Variants in SEZ6L2 observed in about 807,000 individuals in gnomAD.
SEZ6L2 encodes the protein seizure 6-like protein 2.
Under a neutral mutation model 97.0 loss-of-function variants are expected in SEZ6L2, and 44 were observed. The observed-to-expected ratio is 0.45, with a 90% confidence interval of 0.36 to 0.58. The LOEUF (loss-of-function observed/expected upper bound fraction) is 0.58, where lower values mean the gene tolerates loss of function less well. Among genes scored for constraint, SEZ6L2 ranks in the 20% least tolerant of loss-of-function variants. The pLI is 0.00. For missense variants in SEZ6L2, 1,086 were observed against 1,233.3 expected (o/e 0.88, Z 1.79); for synonymous variants, 543 against 546.1 (o/e 0.99, Z 0.08).
intron 5 of SEZ6L2, among the ~76,000 whole-genome samples, chr16:29,892,494 T>C (rs74017646): frequency 6.6e-6 from 1 of 152,020 alleles, no homozygotes; most frequent in Non-Finnish European, 1.5e-5. Flanking sequence ...AATAACCAGG[T>C]CCCTACTGCC....
intron 5 of SEZ6L2, among the ~76,000 whole-genome samples, chr16:29,892,746 C>T (rs935837599): frequency 6.6e-6 from 1 of 152,192 alleles, no homozygotes; most frequent in African/African-American, 2.4e-5. Context: ...GGCATTGGCC[C>T]GACACACAGT....
Position 29,877,468 on chromosome 16 carries a change from C to A in SEZ6L2, c.1713-1G>T. The A allele has an allele frequency of 6.3e-7, 1 of 1,587,176 alleles. No individual in the cohort carries two copies. Among genetic ancestry groups the A allele is most frequent in the South Asian group, 1.2e-5 (1 of 86,504 alleles). The stretch of plus-strand genomic sequence containing the variant: ...CATGTCCCCTTCCCGCACATTCAAT[C>A]TGCAGGGGGTGAGACCAGGCAATGG... On this transcript the variant is annotated splice_acceptor_variant, in intron 10 of 17. Transcript: ENST00000617533. LOFTEE classifies it high-confidence loss of function.
Position 29,871,720 on chromosome 16 carries a change from C to G in SEZ6L2, c.2751G>C (p.Arg917=), listed in dbSNP as rs139303426. The G allele has an allele frequency of 6.2e-7, 1 of 1,608,894 alleles. No homozygotes were observed. Among genetic ancestry groups the G allele is most frequent in the Non-Finnish European group, 8.5e-7 (1 of 1,177,578 alleles). The change falls in exon 18 of 18, where the codon CGG becomes CGC. Residue 917 remains arginine (R), a synonymous_variant. Transcript: ENST00000617533. ...GGGTTCAGATGGAAACTTCATACTCCCGCGTATCCTGAAGACAGAGAGATC... is the reference window on the plus strand; with the variant it reads ...GGGTTCAGATGGAAACTTCATACTCGCGCGTATCCTGAAGACAGAGAGATC... The part of the protein sequence containing the change: ...SNPLYEAGDT[R]EYEVSI
chr16:29,877,542 C>G, intron 10 of SEZ6L2, 75 bp from the exon 11 acceptor site: 1 of 1,351,260 alleles, frequency 7.4e-7, no homozygotes, highest in East Asian at 2.5e-5. Context: ...CCATCCTCAA[C>G]TCTGCTCATT....
At chr16:29,877,696 AATC>A (rs1486111724) in intron 10 of SEZ6L2, among the ~76,000 whole-genome samples, 1 of 152,134 alleles carries the variant, frequency 6.6e-6, no homozygotes, top group Non-Finnish European at 1.5e-5. Flanking sequence ...CCTACTACCC[AATC>A]CCTAAGCTTG....
intron 12 of SEZ6L2, among the ~76,000 whole-genome samples, chr16:29,875,411 C>T (rs1258350535): frequency 1.3e-5 from 2 of 152,090 alleles, no homozygotes; most frequent in African/African-American, 2.4e-5. Context: ...CTCCTGAGCC[C>T]GAGGCAGCGG....
intron 5 of SEZ6L2, among the ~76,000 whole-genome samples, chr16:29,893,751 T>C (rs1360939952): frequency 6.6e-6 from 1 of 152,168 alleles, no homozygotes; most frequent in Non-Finnish European, 1.5e-5. Context: ...GGTCTGAATC[T>C]GACCTGCCTC....
Position 29,896,960 on chromosome 16 carries a change from G to A in SEZ6L2, c.373C>T (p.Pro125Ser), listed in dbSNP as rs1262558258. 1 of 1,595,746 alleles carries A rather than the reference G, an allele frequency of 6.3e-7. No individual in the cohort carries two copies. The highest frequency in any genetic ancestry group is 1.1e-5 in the South Asian group (1 of 89,402). ...AGPTAPELLT[P>S]PPGTTAPPPP... Reference sequence around the variant, plus strand: ...GGTGGGGCTGTGGTTCCTGGGGGCGGGGTCAGCAGTTCTGGCGCAGTGGGG... The same window carrying A: ...GGTGGGGCTGTGGTTCCTGGGGGCGAGGTCAGCAGTTCTGGCGCAGTGGGG... The change falls in exon 3 of 18, where the codon CCG (proline) becomes TCG (serine). Residue 125 changes from proline (P) to serine (S), a missense_variant. By Grantham distance (74) the Pro-to-Ser change is moderately conservative. This residue lies in a region of SEZ6L2 where 776 missense variants were observed against 794.7 expected (regional missense o/e 0.98). Coordinates refer to ENST00000617533, the MANE Select transcript of SEZ6L2 (RefSeq NM_001243332.2).
At chr16:29,879,045 G>GGC (rs2067974791) in intron 9 of SEZ6L2, among the ~76,000 whole-genome samples, 1 of 151,734 alleles carries the variant, frequency 6.6e-6, no homozygotes, top group South Asian at 2.1e-4. Context: ...TGGGATTACA[G>GGC]GCACGCACTA....
intron 2 of SEZ6L2, 96 bp downstream of exon 2, chr16:29,897,757 T>G: frequency 1.4e-6 from 2 of 1,402,600 alleles, no homozygotes; most frequent in Non-Finnish European, 1.9e-6. Context: ...CTGCAGTCTC[T>G]CTCTGCCTGC....
intron 1 of SEZ6L2, 88 bp downstream of exon 1, chr16:29,898,853 G>A (rs944484637): frequency 1.1e-5 from 12 of 1,046,148 alleles, no homozygotes; most frequent in Non-Finnish European, 1.4e-5. Context: ...CCATGTGCTC[G>A]GAAGACCCAG....
Position 29,876,958 on chromosome 16 carries a change from G to A in SEZ6L2, c.1910-8C>T, listed in dbSNP as rs767741048. ...TGTCGTTCCTCGGGACCTCTGCAGG[G>A]GAGGGAAGGCGAGTTTGGAGGCTGC... is the stretch of plus-strand genomic sequence containing the variant. On this transcript the variant is annotated splice_polypyrimidine_tract_variant and splice_region_variant and intron_variant, in intron 11 of 17. Transcript: ENST00000617533. This position sits in a 1 kb window ranked among gnomAD's most constrained non-coding sequence, Gnocchi z 6.5. The A allele has an allele frequency of 3.1e-6, 5 of 1,590,268 alleles. No homozygotes were observed. The African/African-American group carries it at 4.0e-5, about 13-fold the overall frequency.
chr16:29,895,927 C>G (rs1049628063), intron 3 of SEZ6L2, 67 bp from the exon 4 acceptor site: 13 of 1,509,596 alleles, frequency 8.6e-6, no homozygotes, highest in African/African-American at 6.9e-5. Flanking sequence ...CCAAGCAACT[C>G]TGGCCTTCAT....
At chr16:29,891,655 G>C (rs1278738222) in intron 5 of SEZ6L2, among the ~76,000 whole-genome samples, 4 of 151,902 alleles carry the variant, frequency 2.6e-5, no homozygotes, top group Non-Finnish European at 5.9e-5. Flanking sequence ...AAAAAAAAGG[G>C]CTAGCCTGGC....
chr16:29,896,896 G>A lies in SEZ6L2; in HGVS notation c.437C>T (p.Pro146Leu). 1 of 1,613,950 alleles carries A rather than the reference G, an allele frequency of 6.2e-7. No homozygotes were observed. Among genetic ancestry groups the A allele is most frequent in the South Asian group, 1.1e-5 (1 of 91,082 alleles). Reference protein sequence around the residue: ...SPASPGPPLGPEGGEEETTTT... With the variant: ...SPASPGPPLGLEGGEEETTTT... Reference sequence around the variant, plus strand: ...CGTCGTCTCCTCCTCTCCTCCCTCAGGCCCAAGGGGAGGCCCTGGGGAGGC... The same window carrying A: ...CGTCGTCTCCTCCTCTCCTCCCTCAAGCCCAAGGGGAGGCCCTGGGGAGGC... The change falls in exon 3 of 18, where the codon CCT (proline) becomes CTT (leucine). Residue 146 changes from proline to leucine, a missense_variant. By Grantham distance (98) the Pro-to-Leu change is moderately conservative. Around this residue, in one of 2 missense-constraint regions of SEZ6L2, gnomAD observed 776 missense variants for 794.7 expected, o/e 0.98. Coordinates refer to ENST00000617533, the MANE Select transcript of SEZ6L2 (RefSeq NM_001243332.2).
intron 5 of SEZ6L2, among the ~76,000 whole-genome samples, chr16:29,890,786 T>C (rs1356535637): frequency 2.1e-5 from 3 of 142,188 alleles, no homozygotes; most frequent in Non-Finnish European, 4.5e-5. Flanking sequence ...TCTCACTCTG[T>C]CACCCAGTCT....
intron 8 of SEZ6L2, among the ~76,000 whole-genome samples, chr16:29,883,051 TTTC>T (rs2068061348): frequency 6.6e-6 from 1 of 152,208 alleles, no homozygotes; most frequent in South Asian, 2.1e-4. Flanking sequence ...CACTGTTCTA[TTTC>T]ACTGTTACTT....
intron 9 of SEZ6L2, among the ~76,000 whole-genome samples, chr16:29,879,489 T>G (rs1025877853): frequency 6.6e-6 from 1 of 152,170 alleles, no homozygotes; most frequent in African/African-American, 2.4e-5. Flanking sequence ...CCTCCCATAG[T>G]GCTGGTATTA....
intron 8 of SEZ6L2, among the ~76,000 whole-genome samples, chr16:29,882,083 G>A (rs1222569246): frequency 6.6e-6 from 1 of 151,694 alleles, no homozygotes; most frequent in African/African-American, 2.4e-5. Flanking sequence ...CCATTCTCAT[G>A]TCTCAGCCTC....
Sources: gnomAD v4.1 joint callset for allele counts (sites outside exome capture counted in the v4.1 genomes callset) on GRCh38, gnomAD v4.1.1 for gene constraint, gnomAD v4.1.1 regional missense constraint, Gnocchi (gnomAD v3.1) non-coding constraint, MANE v1.5 for transcripts, NCBI Gene and HGNC (gene_info 2026-07-23, HGNC 2026-07-21) for gene names.